Variants in APPBP2 observed in about 807,000 individuals in gnomAD.
APPBP2 encodes the protein amyloid beta precursor protein binding protein 2, also known as amyloid protein-binding protein 2.
APPBP2 carries 15 observed loss-of-function variants against 76.0 expected under a neutral mutation model. That is an observed-to-expected ratio of 0.20 (90% CI 0.13 to 0.30). The LOEUF is 0.30. APPBP2 is among the 10% of genes least tolerant of loss of function. The pLI, the probability that APPBP2 is intolerant of heterozygous loss-of-function variation, is 1.00. For synonymous variants in APPBP2, 222 were observed against 242.2 expected (o/e 0.92, Z 0.77); for missense variants, 401 against 687.2 (o/e 0.58, Z 4.66).
chr17:60,523,279 TAA>T (rs1440281171), intron 1 of APPBP2, among the ~76,000 whole-genome samples: 1 of 151,900 alleles, frequency 6.6e-6, no homozygotes, highest in East Asian at 1.9e-4. Context: ...TATATTGCTT[TAA>T]AAAGTTTTTC....
intron 3 of APPBP2, among the ~76,000 whole-genome samples, chr17:60,481,022 C>G (rs2090624506): frequency 6.6e-6 from 1 of 152,294 alleles, no homozygotes; most frequent in Non-Finnish European, 1.5e-5. Context: ...AGCACTCCAT[C>G]AAACATCAGC....
chr17:60,466,367 T>A lies in APPBP2; in HGVS notation c.596A>T (p.His199Leu), dbSNP rs1567922689. ...TGCAGCTTTATTTGCTTGCTGGCCATGTTTTGATAGTTTATCCATATATGT... is the reference window on the plus strand; with the variant it reads ...TGCAGCTTTATTTGCTTGCTGGCCAAGTTTTGATAGTTTATCCATATATGT... ...AQTYMDKLSKHGQQANKAALY... is the reference protein window; with the variant it reads ...AQTYMDKLSKLGQQANKAALY... The change falls in exon 5 of 13, where the codon CAT becomes CTT. Residue 199 changes from histidine to leucine, a missense_variant. Coordinates refer to ENST00000083182, the MANE Select transcript of APPBP2 (RefSeq NM_006380.5). The A allele has an allele frequency of 6.2e-7, 1 of 1,614,088 alleles. No individual in the cohort carries two copies. The highest frequency in any genetic ancestry group is 8.5e-7 in the Non-Finnish European group (1 of 1,180,022).
At position 60,445,093 on chromosome 17, in the gene APPBP2, A is replaced by C. The variant is rs1238960866; in HGVS notation, c.*2488T>G. On this transcript the variant is annotated 3_prime_UTR_variant, in exon 13 of 13. Coordinates refer to ENST00000083182, the MANE Select transcript of APPBP2 (RefSeq NM_006380.5). ...CTTACACTTAAAGTCATAGGGTATT[A>C]TTCTTCATTAGAACCAGAAATAATA... The C allele has an allele frequency of 6.6e-6, 1 of 152,232 alleles. No homozygotes were observed. Among genetic ancestry groups the C allele is most frequent in the East Asian group, 1.9e-4 (1 of 5,200 alleles). The allele number at this position is 152,232 out of a possible 1,614,324, so 9.4% of individuals were successfully genotyped here.
intron 5 of APPBP2, among the ~76,000 whole-genome samples, chr17:60,464,381 C>A (rs1423371485): frequency 6.6e-6 from 1 of 152,208 alleles, no homozygotes; most frequent in East Asian, 1.9e-4. Context: ...TGCCCAGAAG[C>A]CTTTGCACAT....
intron 1 of APPBP2, among the ~76,000 whole-genome samples, chr17:60,504,718 T>C (rs549034722): frequency 6.6e-6 from 1 of 152,120 alleles, no homozygotes. Flanking sequence ...GCATAAGAAT[T>C]GCACAAAGTC....
chr17:60,483,717 G>T (rs1478965306), intron 3 of APPBP2, among the ~76,000 whole-genome samples: 1 of 152,178 alleles, frequency 6.6e-6, no homozygotes, highest in Non-Finnish European at 1.5e-5. Flanking sequence ...TTGCTGTGCA[G>T]AAGCTCTTTA....
At chr17:60,520,838 A>G (rs2091004651) in intron 1 of APPBP2, among the ~76,000 whole-genome samples, 1 of 152,194 alleles carries the variant, frequency 6.6e-6, no homozygotes, top group South Asian at 2.1e-4. Context: ...TTGGGATTAC[A>G]GGTGTGAGCT....
Position 60,518,437 on chromosome 17 carries a change from T to C in APPBP2, c.138+7357A>G, listed in dbSNP as rs114329283. Among the ~76,000 whole-genome samples the C allele has an allele frequency of 5.1e-3, 687 of 135,396 alleles. 21 individuals carry two copies. The highest frequency in any genetic ancestry group is 0.019 in the African/African-American group (615 of 31,570). 88.8% of individuals were successfully genotyped at this position (135,396 alleles called of 152,430 possible). On this transcript the variant is annotated intron_variant, in intron 1 of 12. Transcript: ENST00000083182. ...ACAGCTAGTCTTGAACTCTTAGGCT[T>C]AAACAATCTGCCTGCCTCGGCCTCT... is the stretch of plus-strand genomic sequence containing the variant.
chr17:60,482,373 G>C (rs1217695915), intron 3 of APPBP2, among the ~76,000 whole-genome samples: 12 of 152,154 alleles, frequency 7.9e-5, no homozygotes, highest in Admixed American at 5.2e-4. Flanking sequence ...AAAAGGGCTT[G>C]AATGTCCAGG....
At chr17:60,462,377 G>A in intron 6 of APPBP2, 1 of 235,878 alleles carries the variant, frequency 4.2e-6, no homozygotes. Flanking sequence ...AACAATGGGG[G>A]CAGAATTTAC....
At chr17:60,498,373 G>A (rs1023464418) in intron 2 of APPBP2, among the ~76,000 whole-genome samples, 36 of 152,096 alleles carry the variant, frequency 2.4e-4, no homozygotes, top group African/African-American at 8.7e-4. Context: ...TATTCTCTAT[G>A]ATGCTGGCAA....
chr17:60,510,566 A>T (rs112561577), intron 1 of APPBP2, among the ~76,000 whole-genome samples: 12,424 of 151,796 alleles, frequency 0.082, 1,673 homozygotes, highest in African/African-American at 0.28. Context: ...CTACAAAAAA[A>T]AAAAAAATTG....
chr17:60,452,058 T>C lies in APPBP2; in HGVS notation c.1339-13A>G. On this transcript the variant is annotated splice_polypyrimidine_tract_variant and intron_variant, in intron 11 of 12. Transcript: ENST00000083182. ...TTTCTTCAGCTTCCTGAAAAACAATTATGCCATATCAATCATTATACTTTT... is the reference window on the plus strand; with the variant it reads ...TTTCTTCAGCTTCCTGAAAAACAATCATGCCATATCAATCATTATACTTTT... The C allele has an allele frequency of 1.2e-6, 2 of 1,610,956 alleles. No individual in the cohort carries two copies. Among genetic ancestry groups the C allele is most frequent in the Non-Finnish European group, 1.7e-6 (2 of 1,179,112 alleles).
At chr17:60,497,230 A>G (rs1217111659) in intron 2 of APPBP2, among the ~76,000 whole-genome samples, 2 of 152,204 alleles carry the variant, frequency 1.3e-5, no homozygotes, top group Admixed American at 1.3e-4. Context: ...TATGGTAAGT[A>G]AAAGAAGCCA....
chr17:60,455,939 G>A lies in APPBP2; in HGVS notation c.1147+357C>T, dbSNP rs576197790. 1.3e-3 allele frequency among the ~76,000 whole-genome samples: 202 copies of A among 152,156 alleles called. 1 individual carries two copies. Among genetic ancestry groups the A allele is most frequent in the African/African-American group, 4.8e-3 (198 of 41,510 alleles). On this transcript the variant is annotated intron_variant, in intron 10 of 12. Coordinates refer to ENST00000083182, the MANE Select transcript of APPBP2 (RefSeq NM_006380.5). ...ATTACAGGTGCACGCCACCACATCC[G>A]GCTAATTTTTGTATTTTTAGTAAAG... is the stretch of plus-strand genomic sequence containing the variant.
In APPBP2 at chr17:60,462,029, T is replaced by C. The variant is rs1598349889; in HGVS notation, c.795A>G (p.Ala265=). The C allele has an allele frequency of 6.2e-7, 1 of 1,613,700 alleles. No individual in the cohort carries two copies. The highest frequency in any genetic ancestry group is 1.3e-5 in the African/African-American group (1 of 75,050). ...ACVVKREFKK[A]EQLIKHAVYL... ...ACACTGCATGTTTAATTAACTGTTC[T>C]GCCTTCTTAAATTCACGTTTTACTA... is the stretch of plus-strand genomic sequence containing the variant. Residue 265 remains alanine, a synonymous_variant, in exon 7 of 13, where the codon GCA becomes GCG. Transcript: ENST00000083182.
intron 1 of APPBP2, among the ~76,000 whole-genome samples, chr17:60,504,325 A>T (rs1310720023): frequency 6.6e-6 from 1 of 152,210 alleles, no homozygotes; most frequent in Non-Finnish European, 1.5e-5. Flanking sequence ...TACAGTTATG[A>T]AGATAGATCA....
chr17:60,512,857 A>G (rs1010884475), intron 1 of APPBP2, among the ~76,000 whole-genome samples: 3 of 146,816 alleles, frequency 2.0e-5, no homozygotes, highest in African/African-American at 7.6e-5. Flanking sequence ...AAAAAAAAGG[A>G]AAGGAAAAGA....
At position 60,444,950 on chromosome 17, in the gene APPBP2, G is replaced by C. The variant is rs1037426216; in HGVS notation, c.*2631C>G. ...ACCTCACCATATGTAAAAAGTTTGC[G>C]CAAGTTAACTTATTGTGAGATAAAT... is the stretch of plus-strand genomic sequence containing the variant. On this transcript the variant is annotated 3_prime_UTR_variant, in exon 13 of 13. Transcript: ENST00000083182. The C allele has an allele frequency of 6.6e-6, 1 of 152,064 alleles. No individual in the cohort carries two copies. Among genetic ancestry groups the C allele is most frequent in the Non-Finnish European group, 1.5e-5 (1 of 68,000 alleles). The allele number at this position is 152,064 out of a possible 1,614,324, so 9.4% of individuals were successfully genotyped here. A position where few individuals can be genotyped will look rare whatever the true frequency, so the allele number is the denominator to read the frequency against.
Sources: allele counts gnomAD v4.1 joint callset (sites outside exome capture counted in the v4.1 genomes callset), GRCh38; gene constraint gnomAD v4.1.1; transcripts MANE v1.5; gene names NCBI Gene and HGNC (gene_info 2026-07-23, HGNC 2026-07-21).